Variants in MGA observed in about 807,000 individuals in gnomAD.
MGA encodes MAX gene-associated protein.
Under a neutral mutation model 261.1 loss-of-function variants are expected in MGA, and 40 were observed. That is an observed-to-expected ratio of 0.15 (90% CI 0.12 to 0.20). MGA has a LOEUF of 0.20. Among genes scored for constraint, MGA ranks in the 10% least tolerant of loss-of-function variants. MGA has a pLI of 1.00. For missense variants in MGA, 3,397 were observed against 3,630.5 expected (o/e 0.94, Z 1.65); for synonymous variants, 1,302 against 1,290.6 (o/e 1.01, Z -0.19).
At chr15:41,623,951 AG>A (rs2140906696) in intron 1 of MGA, among the ~76,000 whole-genome samples, 1 of 150,170 alleles carries the variant, frequency 6.7e-6, no homozygotes, top group Non-Finnish European at 1.5e-5. Context: ...ATTTTAGTTG[AG>A]GCGGGGTTTC....
chr15:41,700,212 T>C (rs1274852089), intron 5 of MGA, among the ~76,000 whole-genome samples: 1 of 149,596 alleles, frequency 6.7e-6, no homozygotes, highest in East Asian at 1.9e-4. Flanking sequence ...GCCCGGCTAA[T>C]TTTTTTTGTA....
chr15:41,695,996 C>CTTTTTTTTTTTTTTTTTTTTTTTTTT, intron 2 of MGA, 79 bp from the exon 3 acceptor site: 5 of 870,356 alleles, frequency 5.7e-6, no homozygotes, highest in South Asian at 2.1e-5. Flanking sequence ...TTCCTAACAT[C>CTTTTTTTTTTTTTTTTTTTTTTTTTT]TTTTTTTTTT....
Position 41,699,107 on chromosome 15 carries a change from A to C in MGA, c.2136A>C (p.Glu712Asp), listed in dbSNP as rs538522669. ...CCCAGTTGGAAAAGGAATTGATAGA[A>C]GATTTGAAGACTTTGCGGCACAAGC... Residue 712 changes from glutamate (E) to aspartate (D), a missense_variant, in exon 5 of 24, where the codon GAA becomes GAC. Transcript: ENST00000219905. 5.0e-6 allele frequency: 8 copies of C among 1,612,912 alleles called. No individual in the cohort carries two copies. The African/African-American group carries it at 1.1e-4, about 21-fold the overall frequency.
At chr15:41,714,422 A>G (rs2060526909) in intron 9 of MGA, among the ~76,000 whole-genome samples, 1 of 152,202 alleles carries the variant, frequency 6.6e-6, no homozygotes, top group Non-Finnish European at 1.5e-5. Context: ...TAAAAGTGGA[A>G]TTGCTGTGAC....
At chr15:41,634,511 G>A (rs1287092825) in intron 1 of MGA, among the ~76,000 whole-genome samples, 1 of 152,192 alleles carries the variant, frequency 6.6e-6, no homozygotes, top group Non-Finnish European at 1.5e-5. Context: ...ATGTATGTGT[G>A]TGTGTATGTA....
intron 2 of MGA, among the ~76,000 whole-genome samples, chr15:41,684,049 C>G (rs1350422109): frequency 6.6e-6 from 1 of 152,042 alleles, no homozygotes; most frequent in Non-Finnish European, 1.5e-5. Flanking sequence ...TGTGTGCACC[C>G]TTATTGCCTA....
At position 41,707,721 on chromosome 15, in the gene MGA, C is replaced by G. The variant is rs995499415; in HGVS notation, c.2189-7C>G. 1 of 1,589,694 alleles carries G rather than the reference C, an allele frequency of 6.3e-7. No homozygotes were observed. Among genetic ancestry groups the G allele is most frequent in the Non-Finnish European group, 8.5e-7 (1 of 1,171,292 alleles). ...CTATGGAAATATGATTTCCTTTTTTCTTTTAGTGGGCTTAAAATTGAATTC... is the reference window on the plus strand; with the variant it reads ...CTATGGAAATATGATTTCCTTTTTTGTTTTAGTGGGCTTAAAATTGAATTC... On this transcript the variant is annotated splice_polypyrimidine_tract_variant and splice_region_variant and intron_variant, in intron 5 of 23. Coordinates refer to ENST00000219905, the MANE Select transcript of MGA (RefSeq NM_001164273.2).
chr15:41,725,863 AATAAAT>A (rs2061215717), intron 9 of MGA, among the ~76,000 whole-genome samples: 4 of 8,406 alleles, frequency 4.8e-4, no homozygotes, highest in Non-Finnish European at 6.6e-4. Flanking sequence ...AAAATAAATA[AATAAAT>A]AAATAAATAA....
At chr15:41,660,020 G>A (rs2150797358), upstream of MGA, among the ~76,000 whole-genome samples, 1 of 152,348 alleles carries the variant, frequency 6.6e-6, no homozygotes, top group East Asian at 1.9e-4. Flanking sequence ...GCGGAGCCCC[G>A]TGTGGGTGGG....
At position 41,767,124 on chromosome 15, in the gene MGA, G is replaced by A. The variant is rs1300907907; in HGVS notation, c.9042G>A (p.Leu3014=). 3 of 1,613,862 alleles carry A rather than the reference G, an allele frequency of 1.9e-6. No individual in the cohort carries two copies. Among genetic ancestry groups the A allele is most frequent in the Non-Finnish European group, 1.7e-6 (2 of 1,179,892 alleles). ...AGAGTCTCAAGGTGATGCCTTGTTTGGCACCTATAGCTGCCAAAGTTGGGT... is the reference window on the plus strand; with the variant it reads ...AGAGTCTCAAGGTGATGCCTTGTTTAGCACCTATAGCTGCCAAAGTTGGGT... Residue 3014 remains leucine, a synonymous_variant, in exon 24 of 24, where the codon TTG becomes TTA. Transcript: ENST00000219905.
chr15:41,757,673 C>A, intron 18 of MGA, 115 bp from the exon 19 acceptor site: 1 of 704,766 alleles, frequency 1.4e-6, no homozygotes, highest in South Asian at 2.3e-5. Flanking sequence ...GGCCATATAT[C>A]ACACCTTGGG....
chr15:41,705,892 G>T (rs1430405092), intron 5 of MGA, among the ~76,000 whole-genome samples: 1 of 152,174 alleles, frequency 6.6e-6, no homozygotes, highest in East Asian at 1.9e-4. Flanking sequence ...CATGAGGAAA[G>T]GCTGTTTTAT....
chr15:41,696,583 G>A lies in MGA; in HGVS notation c.1573G>A (p.Glu525Lys). Residue 525 changes from glutamate to lysine, a missense_variant, in exon 3 of 24, where the codon GAA becomes AAA. Physicochemically the swap from Glu to Lys is moderately conservative, Grantham distance 56. Transcript: ENST00000219905. ...TGAGACTGCCTTCTGCTTAGGCAAG[G>A]AATCAGAAAATGGTCTTAGAAAACA... is the stretch of plus-strand genomic sequence containing the variant. 1 of 1,613,886 alleles carries A rather than the reference G, an allele frequency of 6.2e-7. No homozygotes were observed. Among genetic ancestry groups the A allele is most frequent in the Non-Finnish European group, 8.5e-7 (1 of 1,179,868 alleles).
intron 18 of MGA, among the ~76,000 whole-genome samples, chr15:41,756,639 G>GA (rs1008150641): frequency 6.6e-5 from 10 of 150,820 alleles, no homozygotes; most frequent in Non-Finnish European, 1.0e-4. Flanking sequence ...CTAACATTCT[G>GA]AAAAAAAAAT....
At chr15:41,634,861 G>A (rs1022225556) in intron 1 of MGA, among the ~76,000 whole-genome samples, 1 of 152,172 alleles carries the variant, frequency 6.6e-6, no homozygotes, top group African/African-American at 2.4e-5. Context: ...TAAGGAGCAG[G>A]TATTTTTATC....
intron 9 of MGA, among the ~76,000 whole-genome samples, chr15:41,724,276 T>TA (rs1418407333): frequency 3.3e-5 from 5 of 152,194 alleles, no homozygotes; most frequent in African/African-American, 1.2e-4. Context: ...TGTACATACT[T>TA]ACTACACATG....
At chr15:41,752,677 C>T (rs759700932) in intron 17 of MGA, among the ~76,000 whole-genome samples, 1 of 151,494 alleles carries the variant, frequency 6.6e-6, no homozygotes, top group Non-Finnish European at 1.5e-5. Flanking sequence ...GCCTCAGCCT[C>T]CCGAGTAGCT....
At chr15:41,739,770 A>T (rs1490523553) in intron 13 of MGA, 136 bp from the exon 14 acceptor site, 1 of 799,994 alleles carries the variant, frequency 1.3e-6, no homozygotes, top group East Asian at 3.7e-5. Context: ...CTAAATGGAA[A>T]AAGTCTACTT....
At chr15:41,631,974 A>G (rs2056598758) in intron 1 of MGA, among the ~76,000 whole-genome samples, 1 of 152,146 alleles carries the variant, frequency 6.6e-6, no homozygotes, top group Non-Finnish European at 1.5e-5. Context: ...TTATCTGATC[A>G]TATTACTCTC....
Sources: gnomAD v4.1 joint callset for allele counts (sites outside exome capture counted in the v4.1 genomes callset) on GRCh38, gnomAD v4.1.1 for gene constraint, MANE v1.5 for transcripts, NCBI Gene and HGNC (gene_info 2026-07-23, HGNC 2026-07-21) for gene names.